SYNDIG1: variants seen among roughly 807,000 people sequenced by gnomAD.
SYNDIG1 encodes synapse differentiation inducing 1, also known as synapse differentiation-inducing gene protein 1.
Under a neutral mutation model 19.4 loss-of-function variants are expected in SYNDIG1, and 9 were observed. The observed-to-expected ratio is 0.46, with a 90% confidence interval of 0.28 to 0.81. The LOEUF is 0.81. Ranked by LOEUF, SYNDIG1 falls within the 30% of genes least tolerant of loss-of-function variation. The probability of loss-of-function intolerance (pLI) is 0.12; values close to 1 mark genes in which losing one functional copy is unlikely to be tolerated. For synonymous variants in SYNDIG1, 141 were observed against 145.9 expected (o/e 0.97, Z 0.24); for missense variants, 311 against 343.3 (o/e 0.91, Z 0.74).
At chr20:24,505,436 A>G (rs998114327) in intron 1 of SYNDIG1, among the ~76,000 whole-genome samples, 8 of 152,148 alleles carry the variant, frequency 5.3e-5, no homozygotes, top group Admixed American at 3.3e-4. Flanking sequence ...TGGCTCCTAC[A>G]TATCCAAACC....
At chr20:24,539,103 T>A (rs1253473144) in intron 1 of SYNDIG1, among the ~76,000 whole-genome samples, 1 of 152,234 alleles carries the variant, frequency 6.6e-6, no homozygotes, top group Non-Finnish European at 1.5e-5. Flanking sequence ...ATCTAAATTG[T>A]TATGAAGTCC....
chr20:24,551,441 G>A (rs1401578587), intron 2 of SYNDIG1, among the ~76,000 whole-genome samples: 1 of 151,940 alleles, frequency 6.6e-6, no homozygotes, highest in Admixed American at 6.6e-5. Flanking sequence ...CTGACTTCTG[G>A]TTCCATTGAT....
At position 24,658,056 on chromosome 20, in the gene SYNDIG1, G is replaced by A. The variant is rs748445742; in HGVS notation, c.619-7290G>A. Reference sequence around the variant, plus strand: ...GTGCTGGCCCCGGTCCATGGATGACGGGGACTGTGGAAACAGCGACCTTGC... The same window carrying A: ...GTGCTGGCCCCGGTCCATGGATGACAGGGACTGTGGAAACAGCGACCTTGC... On this transcript the variant is annotated intron_variant, in intron 3 of 3. Transcript: ENST00000376862. This position sits in a 1 kb window ranked among gnomAD's most constrained non-coding sequence, Gnocchi z 4.4. 1.6e-4 allele frequency among the ~76,000 whole-genome samples: 24 copies of A among 152,118 alleles called. No individual in the cohort carries two copies. Among genetic ancestry groups the A allele is most frequent in the Non-Finnish European group, 3.2e-4 (22 of 68,026 alleles).
intron 1 of SYNDIG1, among the ~76,000 whole-genome samples, chr20:24,533,211 T>C (rs1435490314): frequency 1.3e-5 from 2 of 152,088 alleles, no homozygotes; most frequent in East Asian, 3.9e-4. Context: ...TTAACTGTCC[T>C]GGCCTTTTTC....
chr20:24,572,886 T>C (rs2058167522), intron 2 of SYNDIG1, among the ~76,000 whole-genome samples: 2 of 152,192 alleles, frequency 1.3e-5, no homozygotes, highest in Admixed American at 1.3e-4. Flanking sequence ...GAAATCATTC[T>C]TGGTGCTCAT....
chr20:24,616,898 G>A (rs2058943182), intron 3 of SYNDIG1, among the ~76,000 whole-genome samples: 2 of 152,196 alleles, frequency 1.3e-5, no homozygotes, highest in Non-Finnish European at 2.9e-5. Context: ...CAGGACCAAG[G>A]CGCCATCCTT....
At chr20:24,594,543 TTGTTTTCCGATTC>T (rs1322193250) in intron 3 of SYNDIG1, among the ~76,000 whole-genome samples, 1 of 152,150 alleles carries the variant, frequency 6.6e-6, no homozygotes, top group Non-Finnish European at 1.5e-5. Context: ...ATAAAATAAT[TTGTTTTCCGATTC>T]TGTGAAAAAT....
intron 3 of SYNDIG1, among the ~76,000 whole-genome samples, chr20:24,656,409 G>T (rs1215164613): frequency 6.6e-6 from 1 of 152,188 alleles, no homozygotes; most frequent in Non-Finnish European, 1.5e-5. Flanking sequence ...GATCCTTCCT[G>T]TTCCTAAACG....
chr20:24,635,538 G>A (rs2059306735), intron 3 of SYNDIG1, among the ~76,000 whole-genome samples: 2 of 152,182 alleles, frequency 1.3e-5, no homozygotes, highest in Admixed American at 6.5e-5. Flanking sequence ...TGCTGGTTGG[G>A]TCTTGCCTCC....
chr20:24,606,129 C>CT (rs1473506756), intron 3 of SYNDIG1, among the ~76,000 whole-genome samples: 1 of 152,220 alleles, frequency 6.6e-6, no homozygotes, highest in Non-Finnish European at 1.5e-5. Context: ...TGGCCAGAGG[C>CT]TGGGATGATC....
At chr20:24,548,089 C>T (rs949000470) in intron 2 of SYNDIG1, among the ~76,000 whole-genome samples, 1 of 152,168 alleles carries the variant, frequency 6.6e-6, no homozygotes, top group Non-Finnish European at 1.5e-5. Context: ...ACTTGGCCAT[C>T]GAATCCTCGA....
chr20:24,470,957 T>C (rs531308365), intron 1 of SYNDIG1, among the ~76,000 whole-genome samples: 1 of 149,160 alleles, frequency 6.7e-6, no homozygotes, highest in Non-Finnish European at 1.5e-5. Flanking sequence ...GCTTGGCTGA[T>C]TGGGGGTGTC....
intron 3 of SYNDIG1, among the ~76,000 whole-genome samples, chr20:24,595,439 A>G: frequency 6.6e-6 from 1 of 152,112 alleles, no homozygotes; most frequent in East Asian, 1.9e-4. Context: ...TTTATTAAGT[A>G]TATTGGCCTG....
chr20:24,646,549 C>T lies in SYNDIG1; in HGVS notation c.619-18797C>T, dbSNP rs73905414. On this transcript the variant is annotated intron_variant, in intron 3 of 3. Coordinates refer to ENST00000376862, the MANE Select transcript of SYNDIG1 (RefSeq NM_024893.3). ...CCACATGATCTCTGTGCATGCATAC[C>T]GCTTTCAAGTCTCTCCTTCTACTTT... Among the ~76,000 whole-genome samples the T allele has an allele frequency of 6.3e-3, 954 of 152,252 alleles. 11 individuals carry two copies. Among genetic ancestry groups the T allele is most frequent in the African/African-American group, 0.022 (902 of 41,538 alleles).
intron 2 of SYNDIG1, among the ~76,000 whole-genome samples, chr20:24,577,020 C>CA (rs3082225): frequency 1.7e-3 from 248 of 148,360 alleles, no homozygotes; most frequent in East Asian, 6.3e-3. Context: ...CCTCTTTCTA[C>CA]AAAAAAAAAA....
chr20:24,599,485 T>A (rs1331447674), intron 3 of SYNDIG1, among the ~76,000 whole-genome samples: 1 of 152,202 alleles, frequency 6.6e-6, no homozygotes, highest in Non-Finnish European at 1.5e-5. Flanking sequence ...CTACTGGGTA[T>A]CTACCCAAAG....
chr20:24,507,354 A>T (rs771729567), intron 1 of SYNDIG1, among the ~76,000 whole-genome samples: 1 of 152,212 alleles, frequency 6.6e-6, no homozygotes, highest in Non-Finnish European at 1.5e-5. Flanking sequence ...AACCTTTCTG[A>T]TTCATCATCT....
chr20:24,479,246 G>T (rs558207536), intron 1 of SYNDIG1, among the ~76,000 whole-genome samples: 1 of 152,090 alleles, frequency 6.6e-6, no homozygotes, highest in Non-Finnish European at 1.5e-5. Context: ...TGGGAGCCCC[G>T]TCCTGATGGG....
chr20:24,478,889 G>A (rs1255860120), intron 1 of SYNDIG1, among the ~76,000 whole-genome samples: 1 of 152,200 alleles, frequency 6.6e-6, no homozygotes, highest in East Asian at 1.9e-4. Flanking sequence ...GACATTTAGA[G>A]AGAATATCGG....
Sources: gnomAD v4.1 joint callset for allele counts (sites outside exome capture counted in the v4.1 genomes callset) on GRCh38, gnomAD v4.1.1 for gene constraint, Gnocchi (gnomAD v3.1) non-coding constraint, MANE v1.5 for transcripts, NCBI Gene and HGNC (gene_info 2026-07-23, HGNC 2026-07-21) for gene names.